The following SLC31A1 variants were observed in gnomAD, a reference collection of about 807,000 sequenced individuals.
SLC31A1 encodes solute carrier family 31 member 1.
Under a neutral mutation model 17.2 loss-of-function variants are expected in SLC31A1, and 5 were observed. The observed-to-expected ratio is 0.29, with a 90% CI of 0.15 to 0.61. The LOEUF is 0.61. Among genes scored for constraint, SLC31A1 ranks in the 20% least tolerant of loss-of-function variants. The pLI is 0.86. For synonymous variants in SLC31A1, 76 were observed against 78.8 expected (o/e 0.96, Z 0.19); for missense variants, 161 against 241.4 (o/e 0.67, Z 2.21).
intron 1 of SLC31A1, among the ~76,000 whole-genome samples, chr9:113,241,049 C>CAA (rs11330445): frequency 1.6e-3 from 154 of 94,932 alleles, no homozygotes; most frequent in Non-Finnish European, 2.0e-3. Flanking sequence ...GACTCTGTCT[C>CAA]AAAAAAAAAA....
chr9:113,225,963 G>A (rs1798933596), intron 1 of SLC31A1, among the ~76,000 whole-genome samples: 2 of 152,014 alleles, frequency 1.3e-5, no homozygotes, highest in Non-Finnish European at 1.5e-5. Flanking sequence ...GTGAAACCCC[G>A]TGTCTGCTGA....
rs542910085 is a variant in SLC31A1 at position 113,228,456 on chromosome 9, T to G, written c.-36+6778T>G. ...GTTATCATTACATAACTAAAAGACC[T>G]TTTCAGTTTGTTTGTTTGACATATC... is the stretch of plus-strand genomic sequence containing the variant. On this transcript the variant is annotated intron_variant, in intron 1 of 4. Coordinates refer to ENST00000374212, the MANE Select transcript of SLC31A1 (RefSeq NM_001859.4). Among the ~76,000 whole-genome samples the G allele has an allele frequency of 2.0e-5, 3 of 152,328 alleles. No individual in the cohort carries two copies. In the South Asian group the frequency reaches 6.2e-4, roughly 32 times the overall value.
intron 1 of SLC31A1, among the ~76,000 whole-genome samples, chr9:113,246,630 C>T (rs1334665979): frequency 2.0e-5 from 3 of 151,940 alleles, no homozygotes; most frequent in Non-Finnish European, 2.9e-5. Flanking sequence ...GGATTATAGG[C>T]GTGAGCCACT....
Position 113,264,478 on chromosome 9 carries a change from G to C in SLC31A1, c.*4005G>C, listed in dbSNP as rs1831832324. 6.6e-6 allele frequency: 1 copy of C among 152,590 alleles called. No individual in the cohort carries two copies. The highest frequency in any genetic ancestry group is 1.5e-5 in the Non-Finnish European group (1 of 68,026). 9.5% of individuals were successfully genotyped at this position (152,590 alleles called of 1,614,324 possible). A position where few individuals can be genotyped will look rare whatever the true frequency, so the allele number is the denominator to read the frequency against. ...TGAAAAAGAACAAAATAAATATTTT[G>C]ATTTTGTGATTCTATGCAAGTCTTT... On this transcript the variant is annotated 3_prime_UTR_variant, in exon 5 of 5. Coordinates refer to ENST00000374212, the MANE Select transcript of SLC31A1 (RefSeq NM_001859.4).
In SLC31A1 at chr9:113,258,851, C is replaced by T; in HGVS notation, c.360C>T (p.His120=). ...ATGGAACCATCCTTATGGAGACACA[C>T]AAAACTGTTGGGTAAGAACTGAACA... The part of the protein sequence containing the change: ...GPNGTILMET[H]KTVGQQMLSF... Residue 120 remains histidine (H), a synonymous_variant, in exon 4 of 5, where the codon CAC becomes CAT. Coordinates refer to ENST00000374212, the MANE Select transcript of SLC31A1 (RefSeq NM_001859.4). This position sits in a 1 kb window ranked among gnomAD's most constrained non-coding sequence, Gnocchi z 4.8. The T allele has an allele frequency of 1.2e-6, 2 of 1,614,198 alleles. No homozygotes were observed. The highest frequency in any genetic ancestry group is 1.7e-6 in the Non-Finnish European group (2 of 1,180,014).
At chr9:113,256,860 CAAAAAAAA>C (rs10705989) in intron 2 of SLC31A1, among the ~76,000 whole-genome samples, 2 of 102,544 alleles carry the variant, frequency 2.0e-5, no homozygotes, top group Non-Finnish European at 4.0e-5. Flanking sequence ...GAATCCGTAT[CAAAAAAAA>C]AAAAAAAAAA....
At chr9:113,227,076 G>T in intron 1 of SLC31A1, among the ~76,000 whole-genome samples, 1 of 151,932 alleles carries the variant, frequency 6.6e-6, no homozygotes, top group East Asian at 1.9e-4. Flanking sequence ...ACCTTCATTC[G>T]ATAGGTATGC....
chr9:113,225,336 G>A (rs1763235785), intron 1 of SLC31A1, among the ~76,000 whole-genome samples: 1 of 152,328 alleles, frequency 6.6e-6, no homozygotes, highest in East Asian at 1.9e-4. Context: ...ATACCTTGAA[G>A]GTCAAGGTGA....
At chr9:113,255,907 G>A in intron 1 of SLC31A1, 1 of 303,076 alleles carries the variant, frequency 3.3e-6, no homozygotes, top group South Asian at 6.6e-5. Context: ...CCAGGAGCAG[G>A]GAACCACCAG....
chr9:113,222,316 C>G (rs1249398582), intron 1 of SLC31A1, among the ~76,000 whole-genome samples: 1 of 152,146 alleles, frequency 6.6e-6, no homozygotes, highest in Non-Finnish European at 1.5e-5. Context: ...AGACACATCC[C>G]CACCCCAACT....
At chr9:113,226,444 A>G (rs894281534) in intron 1 of SLC31A1, among the ~76,000 whole-genome samples, 2 of 152,142 alleles carry the variant, frequency 1.3e-5, no homozygotes, top group African/African-American at 4.8e-5. Context: ...TGCCAAAAGA[A>G]ATCTTATAGT....
At chr9:113,246,942 G>A (rs1831587412) in intron 1 of SLC31A1, among the ~76,000 whole-genome samples, 1 of 152,140 alleles carries the variant, frequency 6.6e-6, no homozygotes, top group Non-Finnish European at 1.5e-5. Context: ...ACCCGACCAA[G>A]ATAATTTTAA....
chr9:113,235,074 A>G (rs1356751800), intron 1 of SLC31A1, among the ~76,000 whole-genome samples: 1 of 152,230 alleles, frequency 6.6e-6, no homozygotes, highest in Non-Finnish European at 1.5e-5. Context: ...CTGGGAGAAG[A>G]TATTTGCAAT....
At chr9:113,247,449 T>C (rs1831593773) in intron 1 of SLC31A1, among the ~76,000 whole-genome samples, 1 of 152,158 alleles carries the variant, frequency 6.6e-6, no homozygotes, top group Non-Finnish European at 1.5e-5. Flanking sequence ...CTATGGATTA[T>C]TATATCTTAT....
In SLC31A1 at chr9:113,260,580, TACACACACACACACACAC is replaced by T. The variant is rs57266996; in HGVS notation, c.*122_*139del. 3 of 631,752 alleles carry T rather than the reference TACACACACACACACACAC, an allele frequency of 4.7e-6. No individual in the cohort carries two copies. Among genetic ancestry groups the T allele is most frequent in the Admixed American group, 2.2e-5 (1 of 46,456 alleles). The allele number at this position is 631,752 out of a possible 1,614,324, so 39.1% of individuals were successfully genotyped here. On this transcript the variant is annotated 3_prime_UTR_variant, in exon 5 of 5. Transcript: ENST00000374212. ...CCCTTCTTGCTCCTCTTTGTGCACG[TACACACACACACACACAC>T]ACACACACACACACCCCTGCTCAAC...
intron 1 of SLC31A1, among the ~76,000 whole-genome samples, chr9:113,245,919 C>G (rs962516209): frequency 1.3e-5 from 2 of 151,862 alleles, no homozygotes; most frequent in African/African-American, 4.8e-5. Context: ...CAGGTGTGAG[C>G]CACTGTACCC....
chr9:113,223,981 G>A lies in SLC31A1; in HGVS notation c.-36+2303G>A, dbSNP rs151232280. On this transcript the variant is annotated intron_variant, in intron 1 of 4. Transcript: ENST00000374212. ...GTAAGTTAAAGCAGGGAATCATACAGATAATAGTTATATGCATAACATTTT... is the reference window on the plus strand; with the variant it reads ...GTAAGTTAAAGCAGGGAATCATACAAATAATAGTTATATGCATAACATTTT... Among the ~76,000 whole-genome samples the A allele has an allele frequency of 3.3e-5, 5 of 152,352 alleles. No homozygotes were observed. In the East Asian group the frequency reaches 9.6e-4, roughly 29 times the overall value.
chr9:113,257,282 T>C, intron 3 of SLC31A1, 97 bp downstream of exon 3: 1 of 995,886 alleles, frequency 1.0e-6, no homozygotes, highest in Non-Finnish European at 1.6e-6. Context: ...TCCTAATTAC[T>C]AAGTCAACAT....
At position 113,257,181 on chromosome 9, in the gene SLC31A1, T is replaced by C. The variant is rs1280246357; in HGVS notation, c.198T>C (p.Ala66=). The stretch of plus-strand genomic sequence containing the variant: ...TTTCCGGTTTGGTGATCAATACAGC[T>C]GGAGGTGAGTAAGCCATTAGGTAGT... ...LLFSGLVINT[A]GEMAGAFVAV... The change falls in exon 3 of 5, where the codon GCT becomes GCC. Residue 66 remains alanine, a synonymous_variant. Transcript: ENST00000374212. 3.7e-6 allele frequency: 6 copies of C among 1,613,132 alleles called. No individual in the cohort carries two copies. Among genetic ancestry groups the C allele is most frequent in the Non-Finnish European group, 5.1e-6 (6 of 1,179,274 alleles).
Sources: gnomAD v4.1 joint callset for allele counts (sites outside exome capture counted in the v4.1 genomes callset) on GRCh38, gnomAD v4.1.1 for gene constraint, Gnocchi (gnomAD v3.1) non-coding constraint, MANE v1.5 for transcripts, NCBI Gene and HGNC (gene_info 2026-07-23, HGNC 2026-07-21) for gene names.